The following GREB1 variants were observed in gnomAD, a reference collection of about 807,000 sequenced individuals.
GREB1 encodes the protein protein GREB1.
Under a neutral mutation model 200.7 loss-of-function variants are expected in GREB1, and 106 were observed. That is an observed-to-expected ratio of 0.53 (90% CI 0.45 to 0.62). GREB1 has a LOEUF of 0.62. Ranked by LOEUF, GREB1 falls within the 20% of genes least tolerant of loss-of-function variation. The pLI, the probability that GREB1 is intolerant of heterozygous loss-of-function variation, is 0.00. For synonymous variants in GREB1, 1,132 were observed against 1,092.4 expected, an observed-to-expected ratio of 1.04 and a Z score of -0.72; for missense variants, 2,243 against 2,556.8, an observed-to-expected ratio of 0.88 and a Z score of 2.65.
At chr2:11,555,286 T>G (rs1295681754) in intron 1 of GREB1, among the ~76,000 whole-genome samples, 2 of 152,188 alleles carry the variant, frequency 1.3e-5, no homozygotes, top group Non-Finnish European at 2.9e-5. Context: ...TGGGAAGGAC[T>G]GAAAATAGAA....
intron 11 of GREB1, among the ~76,000 whole-genome samples, chr2:11,594,389 C>G (rs769874843): frequency 3.1e-4 from 47 of 149,712 alleles, no homozygotes; most frequent in Non-Finnish European, 6.1e-4. Flanking sequence ...GAGTCTTGCT[C>G]TGTTGCCCAG....
At chr2:11,483,509 G>A (rs115935013) in intron 1 of GREB1, among the ~76,000 whole-genome samples, 1,792 of 151,964 alleles carry the variant, frequency 0.012, 30 homozygotes, top group African/African-American at 0.041. Flanking sequence ...GCAGCCACAT[G>A]TCCCCAGCAC....
chr2:11,532,929 T>C (rs953525905), upstream of GREB1, among the ~76,000 whole-genome samples: 2 of 152,152 alleles, frequency 1.3e-5, no homozygotes, highest in Admixed American at 1.3e-4. Flanking sequence ...AACAACCTTA[T>C]GATAGAGGTA....
intron 1 of GREB1, among the ~76,000 whole-genome samples, chr2:11,546,379 A>G (rs887078985): frequency 6.6e-6 from 1 of 152,190 alleles, no homozygotes. Context: ...GTAAATAAAT[A>G]CACACATATA....
intron 1 of GREB1, among the ~76,000 whole-genome samples, chr2:11,504,763 G>T (rs1673135787): frequency 6.6e-6 from 1 of 152,068 alleles, no homozygotes; most frequent in Admixed American, 6.5e-5. Flanking sequence ...TTGCTTGATT[G>T]CTTATTTCTA....
In GREB1 at chr2:11,499,344, C is replaced by G. The variant is rs576386697; in HGVS notation, c.-159+16963C>G. Among the ~76,000 whole-genome samples the G allele has an allele frequency of 9.2e-5, 14 of 152,354 alleles. 1 individual carries two copies. The South Asian group carries it at 2.7e-3, about 29-fold the overall frequency. On this transcript the variant is annotated intron_variant, in intron 1 of 2. Transcript: ENST00000628795. ...ACACACAGGCCGGCTGCAGCCAGTG[C>G]TACGAGAATGATCTTTTGTTTCCGC...
chr2:11,573,784 G>A (rs78927621), intron 4 of GREB1, among the ~76,000 whole-genome samples: 2,080 of 152,294 alleles, frequency 0.014, 39 homozygotes, highest in African/African-American at 0.047. Context: ...ATCACAAAGG[G>A]CTCCCTGTGC....
rs1672957880 is a variant in GREB1, at chr2:11,498,940, G to A, written c.-159+16559G>A. On this transcript the variant is annotated intron_variant, in intron 1 of 2. Transcript: ENST00000628795. Reference sequence around the variant, plus strand: ...TATGCAGAGAACATGTGGAACTCAAGTGCTATTTTGGAAGTGTGGGTTTTC... The same window carrying A: ...TATGCAGAGAACATGTGGAACTCAAATGCTATTTTGGAAGTGTGGGTTTTC... Among the ~76,000 whole-genome samples, 3 of 152,348 alleles carry A rather than the reference G, an allele frequency of 2.0e-5. No homozygotes were observed. In the South Asian group the frequency reaches 6.2e-4, roughly 32 times the overall value.
rs1023820985 is a variant in GREB1, at chr2:11,503,387, A to G, written c.-159+21006A>G. ...TTTTAGCTAATCTTTGGTATTTGGT[A>G]GTGTGAATATATATCACTGTTTTCT... is the stretch of plus-strand genomic sequence containing the variant. On this transcript the variant is annotated intron_variant, in intron 1 of 2. Coordinates refer to the GREB1 transcript ENST00000628795. 7.2e-5 allele frequency among the ~76,000 whole-genome samples: 11 copies of G among 152,220 alleles called. No homozygotes were observed. In the East Asian group the frequency reaches 9.6e-4, roughly 13 times the overall value.
chr2:11,553,149 T>G (rs574838717), intron 1 of GREB1, among the ~76,000 whole-genome samples: 1 of 152,314 alleles, frequency 6.6e-6, no homozygotes, highest in African/African-American at 2.4e-5. Flanking sequence ...TCTTTCACTA[T>G]TTGCTTACAG....
In GREB1 at chr2:11,580,891, AG is replaced by A; in HGVS notation, c.901+64del. ...CTGCTCTTCTTTGGGCCAAGGCCAG[AG>A]GGGGCATGGGAGCTGCTGGGCTGGG... is the stretch of plus-strand genomic sequence containing the variant. On this transcript the variant is annotated intron_variant, in intron 7 of 32. Coordinates refer to ENST00000381486, the MANE Select transcript of GREB1 (RefSeq NM_014668.4). The surrounding 1 kb of genome is among the most constrained non-coding windows in gnomAD (Gnocchi z 4.5). 1 of 1,607,318 alleles carries A rather than the reference AG, an allele frequency of 6.2e-7. No individual in the cohort carries two copies. Among genetic ancestry groups the A allele is most frequent in the Non-Finnish European group, 8.5e-7 (1 of 1,174,454 alleles).
intron 26 of GREB1, among the ~76,000 whole-genome samples, chr2:11,630,673 TC>T (rs1684807129): frequency 1.3e-5 from 2 of 152,228 alleles, no homozygotes; most frequent in African/African-American, 4.8e-5. Context: ...AATCATGTCA[TC>T]TATCTATACA....
intron 6 of GREB1, among the ~76,000 whole-genome samples, chr2:11,578,948 G>A (rs537826763): frequency 6.6e-6 from 1 of 152,308 alleles, no homozygotes; most frequent in Admixed American, 6.5e-5. Flanking sequence ...TGGGCCGGAG[G>A]AGGTGGAGGC....
chr2:11,617,753 T>C (rs1196431027), intron 21 of GREB1, among the ~76,000 whole-genome samples: 1 of 152,092 alleles, frequency 6.6e-6, no homozygotes, highest in East Asian at 1.9e-4. Context: ...TAGCTGTGGC[T>C]GAGGGAGCGG....
At chr2:11,483,009 G>C (rs1672543814) in intron 1 of GREB1, among the ~76,000 whole-genome samples, 2 of 151,470 alleles carry the variant, frequency 1.3e-5, no homozygotes, top group Admixed American at 1.3e-4. Flanking sequence ...CGGGGGCGCG[G>C]GGCTGTGCGG....
intron 1 of GREB1, among the ~76,000 whole-genome samples, chr2:11,508,999 C>A (rs1011532929): frequency 6.6e-6 from 1 of 151,566 alleles, no homozygotes; most frequent in Admixed American, 6.6e-5. Flanking sequence ...CTCAGCCTCC[C>A]GAGTAGCTGG....
chr2:11,560,701 C>CAAA (rs57683800), intron 2 of GREB1, among the ~76,000 whole-genome samples: 21 of 143,238 alleles, frequency 1.5e-4, no homozygotes, highest in African/African-American at 5.3e-4. Flanking sequence ...AACTCCATCT[C>CAAA]AAAAAAAAAA....
At chr2:11,609,984 A>G (rs940571424) in intron 17 of GREB1, among the ~76,000 whole-genome samples, 3 of 152,220 alleles carry the variant, frequency 2.0e-5, no homozygotes, top group Non-Finnish European at 4.4e-5. Context: ...CATCATCTAC[A>G]GGGACCTGGG....
At chr2:11,613,810 C>T (rs1211281852) in intron 19 of GREB1, among the ~76,000 whole-genome samples, 1 of 152,182 alleles carries the variant, frequency 6.6e-6, no homozygotes, top group Non-Finnish European at 1.5e-5. Flanking sequence ...CTCCTTGCTG[C>T]AGTAGTATTA....
Sources: allele counts gnomAD v4.1 joint callset (sites outside exome capture counted in the v4.1 genomes callset), GRCh38; gene constraint gnomAD v4.1.1; non-coding constraint Gnocchi (gnomAD v3.1); transcripts MANE v1.5; gene names NCBI Gene and HGNC (gene_info 2026-07-23, HGNC 2026-07-21).